The following LDLRAD4 variants were observed in gnomAD, a reference collection of about 807,000 sequenced individuals.
The protein encoded by LDLRAD4 is low-density lipoprotein receptor class A domain-containing protein 4.
Under a neutral mutation model 17.0 loss-of-function variants are expected in LDLRAD4, and 5 were observed. The ratio of observed to expected loss-of-function variants is 0.29; its 90% confidence interval spans 0.15 to 0.62. The LOEUF (loss-of-function observed/expected upper bound fraction) is 0.62. LDLRAD4 is among the 20% of genes least tolerant of loss of function. LDLRAD4 has a pLI of 0.84. For missense variants in LDLRAD4, 340 were observed against 424.7 expected, an observed-to-expected ratio of 0.80 and a Z score of 1.75; for synonymous variants, 168 against 171.8, an observed-to-expected ratio of 0.98 and a Z score of 0.17.
chr18:13,530,428 T>G (rs2094109737), intron 3 of LDLRAD4, among the ~76,000 whole-genome samples: 1 of 152,224 alleles, frequency 6.6e-6, no homozygotes. Context: ...ATTCCGAGGC[T>G]TTAGATAGGG....
intron 2 of LDLRAD4, among the ~76,000 whole-genome samples, chr18:13,406,426 TC>T (rs2145613764): frequency 6.6e-6 from 1 of 152,340 alleles, no homozygotes; most frequent in African/African-American, 2.4e-5. Context: ...CTGGGCATTT[TC>T]TTTGTTCCAG....
At chr18:13,242,202 G>C (rs2042694829) in intron 1 of LDLRAD4, 1 of 152,212 alleles carries the variant, frequency 6.6e-6, no homozygotes, top group South Asian at 2.1e-4. Flanking sequence ...GGAATCGCTT[G>C]TTTTCACGTC....
intron 1 of LDLRAD4, among the ~76,000 whole-genome samples, chr18:13,222,671 G>C (rs1300167372): frequency 6.6e-6 from 1 of 152,186 alleles, no homozygotes; most frequent in African/African-American, 2.4e-5. Context: ...AAATGAAAAG[G>C]GTGTGCCTTG....
intron 2 of LDLRAD4, among the ~76,000 whole-genome samples, chr18:13,416,357 T>C (rs2088890996): frequency 6.6e-6 from 1 of 152,246 alleles, no homozygotes; most frequent in Non-Finnish European, 1.5e-5. Context: ...TGTCACTTTT[T>C]GAAACCCTGG....
intron 3 of LDLRAD4, among the ~76,000 whole-genome samples, chr18:13,578,827 CTTTTTTTTTTTTTTT>C (rs1003295658): frequency 1.2e-4 from 8 of 65,676 alleles, no homozygotes; most frequent in Admixed American, 4.0e-4. Flanking sequence ...TTGTCCGGGT[CTTTTTTTTTTTTTTT>C]TTTTTTTTTT....
At chr18:13,528,266 C>G (rs998978324) in intron 3 of LDLRAD4, among the ~76,000 whole-genome samples, 1 of 152,218 alleles carries the variant, frequency 6.6e-6, no homozygotes, top group African/African-American at 2.4e-5. Context: ...CTGGAGACGC[C>G]TTACCTGCGT....
intron 1 of LDLRAD4, among the ~76,000 whole-genome samples, chr18:13,232,371 G>A (rs2042121245): frequency 6.6e-6 from 1 of 152,216 alleles, no homozygotes; most frequent in African/African-American, 2.4e-5. Flanking sequence ...TGCCTGGCAT[G>A]GTTTGAGCTT....
chr18:13,582,552 G>A (rs1274484280), intron 3 of LDLRAD4, among the ~76,000 whole-genome samples: 1 of 152,166 alleles, frequency 6.6e-6, no homozygotes, highest in Non-Finnish European at 1.5e-5. Flanking sequence ...ATGGGAGGAG[G>A]CATTTGACAA....
intron 3 of LDLRAD4, among the ~76,000 whole-genome samples, chr18:13,603,528 G>A (rs1057511298): frequency 6.6e-6 from 1 of 152,214 alleles, no homozygotes; most frequent in Non-Finnish European, 1.5e-5. Context: ...ACCTTTCTGT[G>A]CCTCTATTCT....
intron 3 of LDLRAD4, among the ~76,000 whole-genome samples, chr18:13,579,364 A>C (rs2094824146): frequency 6.6e-6 from 1 of 152,346 alleles, no homozygotes; most frequent in African/African-American, 2.4e-5. Context: ...TGATTTTTAT[A>C]TGTAGTCATC....
intron 1 of LDLRAD4, among the ~76,000 whole-genome samples, chr18:13,377,635 C>T (rs1335992318): frequency 6.6e-6 from 1 of 152,212 alleles, no homozygotes; most frequent in African/African-American, 2.4e-5. Context: ...AAACCGCTTC[C>T]TCTCTCCAGA....
In LDLRAD4 at chr18:13,405,335, G is replaced by T. The variant is rs542939241; in HGVS notation, c.40+17573G>T. On this transcript the variant is annotated intron_variant, in intron 2 of 5. Transcript: ENST00000359446. Reference sequence around the variant, plus strand: ...TGGCAGAGTTGGACTTTCTACCCAGGTTATCTGACACTGAACCCAGGCCCT... The same window carrying T: ...TGGCAGAGTTGGACTTTCTACCCAGTTTATCTGACACTGAACCCAGGCCCT... Among the ~76,000 whole-genome samples the T allele has an allele frequency of 2.9e-4, 44 of 152,182 alleles. 1 individual carries two copies. The South Asian group carries it at 7.3e-3, about 25-fold the overall frequency.
At chr18:13,408,567 G>A (rs1229748195) in intron 2 of LDLRAD4, among the ~76,000 whole-genome samples, 1 of 151,888 alleles carries the variant, frequency 6.6e-6, no homozygotes, top group Non-Finnish European at 1.5e-5. Context: ...CTGCCTCCTG[G>A]GTTCAAGCAA....
intron 1 of LDLRAD4, among the ~76,000 whole-genome samples, chr18:13,378,204 T>C (rs2085071939): frequency 6.6e-6 from 1 of 152,116 alleles, no homozygotes; most frequent in African/African-American, 2.4e-5. Context: ...GTGTAGGGTG[T>C]TTTGCTGCGT....
intron 1 of LDLRAD4, among the ~76,000 whole-genome samples, chr18:13,377,082 C>T (rs116126906): frequency 6.8e-4 from 104 of 152,262 alleles, no homozygotes; most frequent in Middle Eastern, 3.4e-3. Context: ...TGCATCGAGT[C>T]GGGACTACCC....
At chr18:13,389,681 T>A (rs554895216) in intron 2 of LDLRAD4, among the ~76,000 whole-genome samples, 31 of 152,094 alleles carry the variant, frequency 2.0e-4, no homozygotes, top group African/African-American at 7.0e-4. Context: ...TCTGGGGCCG[T>A]CTCCTCACCC....
chr18:13,317,497 T>C (rs2080993548), intron 1 of LDLRAD4, among the ~76,000 whole-genome samples: 1 of 152,248 alleles, frequency 6.6e-6, no homozygotes, highest in Admixed American at 6.5e-5. Flanking sequence ...AAAAAATTAA[T>C]ATTTGAAATT....
chr18:13,282,465 G>A (rs1473682943), intron 1 of LDLRAD4, among the ~76,000 whole-genome samples: 1 of 152,196 alleles, frequency 6.6e-6, no homozygotes, highest in Non-Finnish European at 1.5e-5. Flanking sequence ...ACAAATGGGA[G>A]AAATTGGCCA....
chr18:13,349,743 C>T (rs185298472), intron 1 of LDLRAD4, among the ~76,000 whole-genome samples: 11 of 152,238 alleles, frequency 7.2e-5, no homozygotes, highest in East Asian at 3.9e-4. Flanking sequence ...TTTTAAGCCC[C>T]GCATGCATTA....
Sources: allele counts gnomAD v4.1 joint callset (sites outside exome capture counted in the v4.1 genomes callset), GRCh38; gene constraint gnomAD v4.1.1; transcripts MANE v1.5; gene names NCBI Gene and HGNC (gene_info 2026-07-23, HGNC 2026-07-21).